KDM4A: variants seen among roughly 807,000 people sequenced by gnomAD.
KDM4A encodes lysine-specific demethylase 4A.
In KDM4A, 23 loss-of-function variants were observed where a neutral mutation model predicts 127.1. The observed-to-expected ratio is 0.18, with a 90% CI of 0.13 to 0.26. The LOEUF is 0.26. Among genes scored for constraint, KDM4A ranks in the 10% least tolerant of loss-of-function variants. The probability of loss-of-function intolerance (pLI) is 1.00; values close to 1 mark genes in which losing one functional copy is unlikely to be tolerated. For synonymous variants in KDM4A, 443 were observed against 466.5 expected (o/e 0.95, Z 0.65); for missense variants, 890 against 1,329.1 (o/e 0.67, Z 5.14).
chr1:43,655,926 C>T (rs2154046357), intron 3 of KDM4A, among the ~76,000 whole-genome samples, 160 bp downstream of exon 3: 1 of 152,284 alleles, frequency 6.6e-6, no homozygotes, highest in South Asian at 2.1e-4. Flanking sequence ...GAAGCATTCC[C>T]TCCTCTCAGG....
At chr1:43,665,957 G>C (rs1216368254) in intron 6 of KDM4A, among the ~76,000 whole-genome samples, 1 of 152,202 alleles carries the variant, frequency 6.6e-6, no homozygotes, top group African/African-American at 2.4e-5. Flanking sequence ...TTAATGAGCA[G>C]GGGTGTTTCT....
chr1:43,663,177 A>G, intron 5 of KDM4A, 90 bp downstream of exon 5: 1 of 1,148,864 alleles, frequency 8.7e-7, no homozygotes, highest in Non-Finnish European at 1.3e-6. Context: ...GGATTGTGTT[A>G]AAGGGCAGAC....
intron 4 of KDM4A, among the ~76,000 whole-genome samples, chr1:43,661,413 T>C (rs12142545): frequency 0.51 from 77,122 of 150,508 alleles, 22,189 homozygotes; most frequent in African/African-American, 0.8. Context: ...TTGAGACCAC[T>C]CTGGCTGACA....
intron 11 of KDM4A, among the ~76,000 whole-genome samples, chr1:43,676,674 C>A (rs1232974769): frequency 6.6e-6 from 1 of 151,936 alleles, no homozygotes; most frequent in Non-Finnish European, 1.5e-5. Flanking sequence ...CTTTGTTTGT[C>A]CTGTTTTCAA....
At chr1:43,691,156 T>G in intron 14 of KDM4A, 107 bp downstream of exon 14, 1 of 1,148,354 alleles carries the variant, frequency 8.7e-7, no homozygotes, top group South Asian at 1.3e-5. Flanking sequence ...ATTGTTGATG[T>G]TTTATTGGGG....
intron 11 of KDM4A, among the ~76,000 whole-genome samples, chr1:43,675,708 C>T (rs1053849208): frequency 1.3e-5 from 2 of 151,966 alleles, no homozygotes; most frequent in Admixed American, 6.6e-5. Flanking sequence ...TAGGGAGCAG[C>T]AGAAGGGTCC....
At chr1:43,679,409 A>G (rs1238805949) in intron 11 of KDM4A, among the ~76,000 whole-genome samples, 1 of 152,038 alleles carries the variant, frequency 6.6e-6, no homozygotes, top group African/African-American at 2.4e-5. Context: ...CAGATAGTCA[A>G]GGTTTGGGGG....
chr1:43,689,010 T>C lies in KDM4A; in HGVS notation c.1952T>C (p.Phe651Ser). The change falls in exon 13 of 22, where the codon TTT (phenylalanine) becomes TCT (serine). Residue 651 changes from phenylalanine to serine, a missense_variant. By Grantham distance (155) the Phe-to-Ser change is radical (BLOSUM62 -2). This residue lies in a region of KDM4A where 389 missense variants were observed against 485.9 expected (regional missense o/e 0.80). Transcript: ENST00000372396. ...CTGTGGCAGAACCGACCTCCAAACT[T>C]TGAGGCTGAGAAGGAATTCAATGAG... ...SQLWQNRPPN[F>S]EAEKEFNETM... The C allele has an allele frequency of 6.2e-7, 1 of 1,614,194 alleles. No homozygotes were observed. The highest frequency in any genetic ancestry group is 8.5e-7 in the Non-Finnish European group (1 of 1,180,032).
intron 18 of KDM4A, 97 bp from the exon 19 acceptor site, chr1:43,697,746 T>C (rs918958908): frequency 2.5e-6 from 3 of 1,193,620 alleles, no homozygotes; most frequent in Non-Finnish European, 3.6e-6. Context: ...CCCATGCTTA[T>C]CTTTCCCTGA....
intron 2 of KDM4A, chr1:43,653,922 G>A (rs554373581): frequency 1.3e-5 from 2 of 152,332 alleles, no homozygotes; most frequent in South Asian, 4.1e-4. Flanking sequence ...AAACTGAGAG[G>A]CAGGGACCTC....
At chr1:43,661,846 C>CA (rs1174552520) in intron 4 of KDM4A, among the ~76,000 whole-genome samples, 1 of 152,052 alleles carries the variant, frequency 6.6e-6, no homozygotes, top group Non-Finnish European at 1.5e-5. Context: ...TTTATGAAGA[C>CA]ACTGCCTGGT....
intron 12 of KDM4A, among the ~76,000 whole-genome samples, chr1:43,685,643 CT>C (rs555340721): frequency 2.0e-5 from 3 of 152,214 alleles, no homozygotes; most frequent in African/African-American, 7.2e-5. Context: ...TGGTGAGCGC[CT>C]GTAGTCCCAG....
At chr1:43,701,548 G>A (rs1661394398) in intron 19 of KDM4A, among the ~76,000 whole-genome samples, 1 of 152,154 alleles carries the variant, frequency 6.6e-6, no homozygotes, top group Non-Finnish European at 1.5e-5. Context: ...CTGCTGGAGT[G>A]CAGTGGCATG....
intron 12 of KDM4A, among the ~76,000 whole-genome samples, chr1:43,685,600 C>G (rs1660955385): frequency 6.6e-6 from 1 of 151,962 alleles, no homozygotes; most frequent in Admixed American, 6.6e-5. Flanking sequence ...AACACCATCT[C>G]TACTAAAAAT....
intron 1 of KDM4A, chr1:43,650,515 G>A (rs558182721): frequency 1.3e-5 from 2 of 152,550 alleles, no homozygotes; most frequent in South Asian, 4.1e-4. Context: ...CACTCGCCAA[G>A]GCGGCGGGGC....
At chr1:43,703,959 A>T in intron 20 of KDM4A, 61 bp from the exon 21 acceptor site, 1 of 1,460,302 alleles carries the variant, frequency 6.8e-7, no homozygotes, top group South Asian at 1.1e-5. Flanking sequence ...GCCACTGTGC[A>T]TGGTGGACCA....
At chr1:43,664,279 CAT>C (rs1360122369) in intron 5 of KDM4A, among the ~76,000 whole-genome samples, 8 of 152,136 alleles carry the variant, frequency 5.3e-5, no homozygotes, top group Non-Finnish European at 1.0e-4. Flanking sequence ...TAAGACAGCA[CAT>C]GAGGGCCAGG....
At chr1:43,691,627 G>A (rs898532056) in intron 15 of KDM4A, 55 bp downstream of exon 15, 39 of 1,470,294 alleles carry the variant, frequency 2.7e-5, no homozygotes, top group South Asian at 1.1e-5. Context: ...GCATATTCAG[G>A]GCCAGACGAT....
At chr1:43,650,303 G>A (rs1412890676) in intron 1 of KDM4A, 51 bp downstream of exon 1, 1 of 150,658 alleles carries the variant, frequency 6.6e-6, no homozygotes, top group Non-Finnish European at 1.5e-5. Context: ...CGCTGTAGCA[G>A]TGACCGTGAG....
Sources: allele counts gnomAD v4.1 joint callset (sites outside exome capture counted in the v4.1 genomes callset), GRCh38; gene constraint gnomAD v4.1.1; regional missense constraint gnomAD v4.1.1; transcripts MANE v1.5; gene names NCBI Gene and HGNC (gene_info 2026-07-23, HGNC 2026-07-21).